The following LARP1 variants were observed in gnomAD, a reference collection of about 807,000 sequenced individuals.
LARP1 encodes the protein La ribonucleoprotein 1, translational regulator, also known as la-related protein 1.
In LARP1, 36 loss-of-function variants were observed where a neutral mutation model predicts 122.7. The ratio of observed to expected loss-of-function variants is 0.29; its 90% CI spans 0.22 to 0.39. The LOEUF is 0.39. Among genes scored for constraint, LARP1 ranks in the 10% least tolerant of loss-of-function variants. The pLI is 1.00. For synonymous variants in LARP1, 539 were observed against 528.7 expected, an observed-to-expected ratio of 1.02 and a Z score of -0.27; for missense variants, 1,040 against 1,403.6, an observed-to-expected ratio of 0.74 and a Z score of 4.14.
intron 1 of LARP1, among the ~76,000 whole-genome samples, chr5:154,688,689 A>G (rs563480682): frequency 1.3e-4 from 19 of 144,744 alleles, no homozygotes; most frequent in African/African-American, 4.1e-4. Context: ...AGCTAGGGCT[A>G]GTGGCACATG....
chr5:154,778,028 G>A (rs1267194399), intron 1 of LARP1, among the ~76,000 whole-genome samples: 2 of 152,102 alleles, frequency 1.3e-5, no homozygotes, highest in Non-Finnish European at 2.9e-5. Flanking sequence ...TTGGGAGGCC[G>A]AGGCAGGCGG....
chr5:154,811,729 C>T (rs1759294018), intron 18 of LARP1, 89 bp downstream of exon 18: 1 of 1,529,942 alleles, frequency 6.5e-7, no homozygotes, highest in Admixed American at 1.8e-5. Context: ...CCAGCTGTGC[C>T]CCTAGCCCAG....
chr5:154,704,805 A>G (rs1754872059), intron 1 of LARP1, among the ~76,000 whole-genome samples: 1 of 151,778 alleles, frequency 6.6e-6, no homozygotes, highest in Admixed American at 6.6e-5. Flanking sequence ...CAAGCAAAAA[A>G]CAACTCCATT....
intron 1 of LARP1, among the ~76,000 whole-genome samples, chr5:154,764,595 CAAAAAAAAAAA>C (rs1158921641): frequency 1.3e-4 from 6 of 44,888 alleles, no homozygotes; most frequent in Admixed American, 3.4e-4. Flanking sequence ...GACCATGTCT[CAAAAAAAAAAA>C]AAAAAAAAAA....
chr5:154,774,720 C>T (rs1755721767), intron 1 of LARP1, among the ~76,000 whole-genome samples: 1 of 152,124 alleles, frequency 6.6e-6, no homozygotes, highest in South Asian at 2.1e-4. Flanking sequence ...CACATATCAT[C>T]ACTGCCATTG....
At chr5:154,755,302 C>T (rs1451060328), upstream of LARP1, among the ~76,000 whole-genome samples, 1 of 147,802 alleles carries the variant, frequency 6.8e-6, no homozygotes, top group Non-Finnish European at 1.5e-5. Flanking sequence ...CCCGCCGCGT[C>T]GTGAGGCGCG....
chr5:154,712,824 C>A, upstream of LARP1: 1 of 1,052,876 alleles, frequency 9.5e-7, no homozygotes, highest in Non-Finnish European at 1.4e-6. Flanking sequence ...ACTAGCCTGG[C>A]AACCTGGAGA....
At chr5:154,777,507 C>T (rs1278570515) in intron 1 of LARP1, among the ~76,000 whole-genome samples, 3 of 151,906 alleles carry the variant, frequency 2.0e-5, no homozygotes, top group Non-Finnish European at 4.4e-5. Flanking sequence ...GGTGACAGAG[C>T]GAGACTCTGT....
At chr5:154,783,988 T>A (rs1006227035) in intron 1 of LARP1, among the ~76,000 whole-genome samples, 1 of 152,198 alleles carries the variant, frequency 6.6e-6, no homozygotes, top group Admixed American at 6.5e-5. Context: ...AGCACTGATA[T>A]CAGGCAGTTG....
intron 1 of LARP1, among the ~76,000 whole-genome samples, chr5:154,762,005 G>T (rs1754491249): frequency 6.6e-6 from 1 of 152,150 alleles, no homozygotes; most frequent in Admixed American, 6.5e-5. Flanking sequence ...ACTTTGGAAG[G>T]CCGAGGCGGG....
upstream of LARP1, among the ~76,000 whole-genome samples, chr5:154,709,213 C>A (rs1323490506): frequency 6.6e-6 from 1 of 152,228 alleles, no homozygotes; most frequent in Non-Finnish European, 1.5e-5. Context: ...GGCTTCTTAG[C>A]TTTAGCAATG....
intron 14 of LARP1, chr5:154,804,938 G>A (rs1758641388): frequency 2.2e-6 from 1 of 456,160 alleles, no homozygotes; most frequent in African/African-American, 2.0e-5. Flanking sequence ...GGCGTGGGGT[G>A]CCCAGCTGCA....
At chr5:154,739,006 C>G (rs1046043779) in intron 1 of LARP1, among the ~76,000 whole-genome samples, 24 of 151,868 alleles carry the variant, frequency 1.6e-4, no homozygotes, top group African/African-American at 5.6e-4. Flanking sequence ...ATATACTGGA[C>G]AGTTTTTGTT....
rs1758201029 is a variant in LARP1, at chr5:154,799,882, C to T, written c.1556C>T (p.Pro519Leu). ...CCTTTCCACCCTTTAGAGTCGGCACCTGGCTCTCCTCGTGCAGTCACCCCA... is the reference window on the plus strand; with the variant it reads ...CCTTTCCACCCTTTAGAGTCGGCACTTGGCTCTCCTCGTGCAGTCACCCCA... Reference protein sequence around the residue: ...QHYQKETESAPGSPRAVTPVP... With the variant: ...QHYQKETESALGSPRAVTPVP... Residue 519 changes from proline (P) to leucine (L), a missense_variant, in exon 10 of 19, where the codon CCT becomes CTT. Transcript: ENST00000518297. 6.2e-7 allele frequency: 1 copy of T among 1,613,746 alleles called. No individual in the cohort carries two copies. Among genetic ancestry groups the T allele is most frequent in the Non-Finnish European group, 8.5e-7 (1 of 1,179,830 alleles).
intron 1 of LARP1, among the ~76,000 whole-genome samples, chr5:154,787,423 C>T (rs1381067032): frequency 2.0e-5 from 3 of 152,120 alleles, no homozygotes; most frequent in Non-Finnish European, 4.4e-5. Context: ...CCTGTGTGCA[C>T]GTGTGCACAC....
At chr5:154,712,313 G>A (rs1254270392), upstream of LARP1, among the ~76,000 whole-genome samples, 1 of 152,188 alleles carries the variant, frequency 6.6e-6, no homozygotes, top group Non-Finnish European at 1.5e-5. Context: ...TGAGTGACTT[G>A]CCAAAGGCTT....
At chr5:154,768,647 T>C (rs1755148634) in intron 1 of LARP1, among the ~76,000 whole-genome samples, 1 of 152,186 alleles carries the variant, frequency 6.6e-6, no homozygotes. Flanking sequence ...AGTGGCGCGA[T>C]CTTGGCTCAC....
intron 1 of LARP1, among the ~76,000 whole-genome samples, chr5:154,696,012 A>C (rs978787531): frequency 3.9e-5 from 6 of 152,130 alleles, no homozygotes; most frequent in African/African-American, 1.4e-4. Flanking sequence ...AGCTAGGTTT[A>C]GATCAACTAT....
chr5:154,804,693 A>G (rs1758616250), intron 14 of LARP1: 2 of 427,646 alleles, frequency 4.7e-6, no homozygotes, highest in Non-Finnish European at 9.2e-6. Context: ...AATTAAAAAA[A>G]TACATATTTA....
Sources: gnomAD v4.1 joint callset for allele counts (sites outside exome capture counted in the v4.1 genomes callset) on GRCh38, gnomAD v4.1.1 for gene constraint, MANE v1.5 for transcripts, NCBI Gene and HGNC (gene_info 2026-07-23, HGNC 2026-07-21) for gene names.